The following EFNB1 variants were observed in gnomAD, a reference collection of about 807,000 sequenced individuals.
EFNB1 encodes ephrin B1, also known as ephrin-B1.
In EFNB1, 1 loss-of-function variant was observed where a neutral mutation model predicts 18.1. The ratio of observed to expected loss-of-function variants is 0.06; its 90% CI spans 0.02 to 0.26. EFNB1 has a LOEUF of 0.26. Ranked by LOEUF, EFNB1 falls within the 10% of genes least tolerant of loss-of-function variation. The pLI is 1.00. For missense variants in EFNB1, 221 were observed against 301.8 expected, an observed-to-expected ratio of 0.73 and a Z score of 1.98; for synonymous variants, 131 against 127.5, an observed-to-expected ratio of 1.03 and a Z score of -0.19.
Position 68,841,829 on chromosome X carries a change from A to G in EFNB1, c.*1175A>G, listed in dbSNP as rs2080480335. The G allele has an allele frequency of 8.8e-6, 1 of 113,036 alleles. No homozygotes were observed. Among genetic ancestry groups the G allele is most frequent in the African/African-American group, 3.2e-5 (1 of 30,973 alleles). The allele number at this position is 113,036 out of a possible 1,213,427, so 9.3% of individuals were successfully genotyped here. A position where few individuals can be genotyped will look rare whatever the true frequency, so the allele number is the denominator to read the frequency against. ...ACTTTGACCCCAGTTCCTTGCCAGC[A>G]CGGCTGCTAACAGACTGCCACTTGA... is the stretch of plus-strand genomic sequence containing the variant. On this transcript the variant is annotated 3_prime_UTR_variant, in exon 5 of 5. Transcript: ENST00000204961.
chrX:68,838,054 T>G (rs184534683), intron 1 of EFNB1, among the ~76,000 whole-genome samples: 17 of 110,808 alleles, frequency 1.5e-4, no homozygotes, highest in Middle Eastern at 9.4e-3. Context: ...CCAGACAGAT[T>G]GAGCTCCCCC....
intron 1 of EFNB1, 63 bp downstream of exon 1, chrX:68,829,967 G>T: frequency 8.7e-7 from 1 of 1,148,420 alleles, no homozygotes; most frequent in Non-Finnish European, 1.2e-6. Flanking sequence ...GAGGCCGCAC[G>T]CCCCGGAGTG....
chrX:68,840,006 C>T lies in EFNB1; in HGVS notation c.546C>T (p.Ser182=). The T allele has an allele frequency of 8.3e-7, 1 of 1,211,893 alleles. No individual in the cohort carries two copies. The highest frequency in any genetic ancestry group is 1.1e-6 in the Non-Finnish European group (1 of 895,456). ...AGCAGCTGACTACCAGCAGGCCCAG[C>T]AAGGAGGCAGACAACACTGTCAAGA... The part of the protein sequence containing the change: ...TPEQLTTSRP[S]KEADNTVKMA... The change falls in exon 4 of 5, where the codon AGC becomes AGT. Residue 182 remains serine (S), a synonymous_variant. Transcript: ENST00000204961.
At chrX:68,836,669 C>A (rs1402483734) in intron 1 of EFNB1, among the ~76,000 whole-genome samples, 3 of 112,201 alleles carry the variant, frequency 2.7e-5, no homozygotes, top group African/African-American at 9.7e-5. Flanking sequence ...AATGGGCCCT[C>A]AGGAAATGGA....
At position 68,829,572 on chromosome X, in the gene EFNB1, T is replaced by G. The variant is rs1323632912; in HGVS notation, c.-205T>G. The G allele has an allele frequency of 1.5e-5, 9 of 584,454 alleles. No homozygotes were observed. Among genetic ancestry groups the G allele is most frequent in the Non-Finnish European group, 2.4e-5 (9 of 380,423 alleles). 48.2% of individuals were successfully genotyped at this position (584,454 alleles called of 1,213,427 possible). ...CGGGGGCCGAAGCCCATGCCCGGGT[T>G]GGGGGCGGCTGCCCAGTGAGTCCTC... On this transcript the variant is annotated 5_prime_UTR_variant, in exon 1 of 5. Coordinates refer to ENST00000204961, the MANE Select transcript of EFNB1 (RefSeq NM_004429.5).
chrX:68,830,484 C>T (rs1225989574), intron 1 of EFNB1, among the ~76,000 whole-genome samples: 1 of 113,073 alleles, frequency 8.8e-6, no homozygotes, highest in Non-Finnish European at 1.9e-5. Flanking sequence ...TCTTTTTGCC[C>T]CCCGCCCCTC....
Position 68,839,718 on chromosome X carries a change from G to A in EFNB1, c.461G>A (p.Arg154His), listed in dbSNP as rs146636295. ...GAAAACCGGGAGGGCGGTGTGTGCCGCACACGCACCATGAAGATCATCATG... is the reference window on the plus strand; with the variant it reads ...GAAAACCGGGAGGGCGGTGTGTGCCACACACGCACCATGAAGATCATCATG... ...GLENREGGVCRTRTMKIIMKV... is the reference protein window; with the variant it reads ...GLENREGGVCHTRTMKIIMKV... The change falls in exon 3 of 5, where the codon CGC becomes CAC. Residue 154 changes from arginine (R) to histidine (H), a missense_variant. Coordinates refer to ENST00000204961, the MANE Select transcript of EFNB1 (RefSeq NM_004429.5). 9.2e-5 allele frequency: 111 copies of A among 1,209,653 alleles called. No individual in the cohort carries two copies. Among genetic ancestry groups the A allele is most frequent in the Middle Eastern group, 2.3e-4 (1 of 4,347 alleles).
At chrX:68,834,342 AG>A (rs1249679495) in intron 1 of EFNB1, among the ~76,000 whole-genome samples, 1 of 111,944 alleles carries the variant, frequency 8.9e-6, no homozygotes. Flanking sequence ...GACATCGAGG[AG>A]GGGGGGTATT....
chrX:68,840,888 G>T lies in EFNB1; in HGVS notation c.*234G>T. 2.3e-6 allele frequency: 1 copy of T among 430,231 alleles called. No homozygotes were observed. The highest frequency in any genetic ancestry group is 4.1e-5 in the Admixed American group (1 of 24,680). 35.5% of individuals were successfully genotyped at this position (430,231 alleles called of 1,213,427 possible). A position where few individuals can be genotyped will look rare whatever the true frequency, so the allele number is the denominator to read the frequency against. On this transcript the variant is annotated 3_prime_UTR_variant, in exon 5 of 5. Transcript: ENST00000204961. The stretch of plus-strand genomic sequence containing the variant: ...CCCTCTGGCCAGGCCTCTGGGCTCC[G>T]TGGGGGCGCCCCTTCTTGGAAGGCA...
Position 68,840,747 on chromosome X carries a change from C to T in EFNB1, c.*93C>T, listed in dbSNP as rs948545265. ...CACCCCCTCCCCTTGCCAGCTGTGCCCACCTTTGTATTTAGTTTTGTAGTT... is the reference window on the plus strand; with the variant it reads ...CACCCCCTCCCCTTGCCAGCTGTGCTCACCTTTGTATTTAGTTTTGTAGTT... On this transcript the variant is annotated 3_prime_UTR_variant, in exon 5 of 5. Coordinates refer to ENST00000204961, the MANE Select transcript of EFNB1 (RefSeq NM_004429.5). 29 of 965,845 alleles carry T rather than the reference C, an allele frequency of 3.0e-5. No homozygotes were observed. The highest frequency in any genetic ancestry group is 3.7e-5 in the Non-Finnish European group (26 of 698,060). The allele number at this position is 965,845 out of a possible 1,213,427, so 79.6% of individuals were successfully genotyped here. A position where few individuals can be genotyped will look rare whatever the true frequency, so the allele number is the denominator to read the frequency against.
chrX:68,833,640 G>C lies in EFNB1; in HGVS notation c.128+3736G>C, dbSNP rs189049853. Among the ~76,000 whole-genome samples the C allele has an allele frequency of 8.1e-3, 909 of 111,885 alleles. 8 individuals carry two copies. Among genetic ancestry groups the C allele is most frequent in the Middle Eastern group, 0.014 (3 of 216 alleles). On this transcript the variant is annotated intron_variant, in intron 1 of 4. Transcript: ENST00000204961. ...GACTATTAGAGGAGCTGAGATACGG[G>C]GGTGCTCACCAGCCACATTCTGGGT...
rs2080438806 is a variant in EFNB1, at chrX:68,829,723, A to T, written c.-54A>T. On this transcript the variant is annotated 5_prime_UTR_variant, in exon 1 of 5. Coordinates refer to ENST00000204961, the MANE Select transcript of EFNB1 (RefSeq NM_004429.5). Reference sequence around the variant, plus strand: ...CAGCGCGGCAGAGGAAGGCGAGGCGAGCTTTGGTGAGGAGGCGCCAAGGGA... The same window carrying T: ...CAGCGCGGCAGAGGAAGGCGAGGCGTGCTTTGGTGAGGAGGCGCCAAGGGA... 1 of 1,167,501 alleles carries T rather than the reference A, an allele frequency of 8.6e-7. No homozygotes were observed. Among genetic ancestry groups the T allele is most frequent in the African/African-American group, 1.8e-5 (1 of 56,160 alleles).
chrX:68,838,904 G>A lies in EFNB1; in HGVS notation c.406+10G>A, dbSNP rs772921295. ...GATTACTACATTACCTGTGAGTCCCGCCCATCCCATCCTCTGGCTCTCTCC... is the reference window on the plus strand; with the variant it reads ...GATTACTACATTACCTGTGAGTCCCACCCATCCCATCCTCTGGCTCTCTCC... On this transcript the variant is annotated intron_variant, in intron 2 of 4. Transcript: ENST00000204961. The A allele has an allele frequency of 3.2e-5, 38 of 1,189,596 alleles. No homozygotes were observed. Among genetic ancestry groups the A allele is most frequent in the Admixed American group, 1.4e-4 (6 of 43,155 alleles).
rs1436665759 is a variant in EFNB1 at position 68,839,735 on chromosome X, A to G, written c.478A>G (p.Ile160Val). 8.3e-7 allele frequency: 1 copy of G among 1,210,888 alleles called. No individual in the cohort carries two copies. Among genetic ancestry groups the G allele is most frequent in the Non-Finnish European group, 1.1e-6 (1 of 895,107 alleles). Reference protein sequence around the residue: ...GGVCRTRTMKIIMKVGQDPNA... With the variant: ...GGVCRTRTMKVIMKVGQDPNA... ...TGTGTGCCGCACACGCACCATGAAGATCATCATGAAGGTTGGGCAAGGTGA... is the reference window on the plus strand; with the variant it reads ...TGTGTGCCGCACACGCACCATGAAGGTCATCATGAAGGTTGGGCAAGGTGA... Residue 160 changes from isoleucine (I) to valine (V), a missense_variant, in exon 3 of 5, where the codon ATC (isoleucine) becomes GTC (valine). Ile to Val is a conservative substitution (Grantham distance 29, BLOSUM62 3). Transcript: ENST00000204961.
chrX:68,839,711 G>A lies in EFNB1; in HGVS notation c.454G>A (p.Val152Met). Residue 152 changes from valine (V) to methionine (M), a missense_variant, in exon 3 of 5, where the codon GTG becomes ATG. Transcript: ENST00000204961. The part of the protein sequence containing the change: ...LEGLENREGG[V>M]CRTRTMKIIM... ...GGGGCTGGAAAACCGGGAGGGCGGT[G>A]TGTGCCGCACACGCACCATGAAGAT... 1 of 1,211,651 alleles carries A rather than the reference G, an allele frequency of 8.3e-7. No homozygotes were observed.
intron 1 of EFNB1, among the ~76,000 whole-genome samples, chrX:68,831,299 C>A (rs187229924): frequency 9.1e-6 from 1 of 110,483 alleles, no homozygotes; most frequent in Non-Finnish European, 1.9e-5. Flanking sequence ...CTTTAGTTTT[C>A]TTCTCCTCGA....
chrX:68,830,902 G>C (rs1050213770), intron 1 of EFNB1, among the ~76,000 whole-genome samples: 42 of 111,879 alleles, frequency 3.8e-4, no homozygotes, highest in African/African-American at 1.2e-3. Context: ...CAAACAACAC[G>C]CACACCTTTC....
rs759896368 is a variant in EFNB1, at chrX:68,840,315, C to T, written c.702C>T (p.Phe234=). ...GCAGCGGGGACCCTGATGGCTTCTT[C>T]AACTCCAAGGTGGCATTGTTCGCGG... ...GGSSGDPDGF[F]NSKVALFAAV... Residue 234 remains phenylalanine, a synonymous_variant, in exon 5 of 5, where the codon TTC becomes TTT. Transcript: ENST00000204961. 35 of 1,210,259 alleles carry T rather than the reference C, an allele frequency of 2.9e-5. 1 individual carries two copies. In the East Asian group the frequency reaches 1.0e-3, roughly 35 times the overall value.
Position 68,839,950 on chromosome X carries a change from C to G in EFNB1, c.500-10C>G. 8.3e-7 allele frequency: 1 copy of G among 1,211,881 alleles called. No homozygotes were observed. Among genetic ancestry groups the G allele is most frequent in the Non-Finnish European group, 1.1e-6 (1 of 895,497 alleles). On this transcript the variant is annotated splice_polypyrimidine_tract_variant and intron_variant, in intron 3 of 4. Transcript: ENST00000204961. Reference sequence around the variant, plus strand: ...TCCCTGCCTCTCACCTGTTCTGTCTCCATTCTTAGATCCCAATGCTGTGAC... The same window carrying G: ...TCCCTGCCTCTCACCTGTTCTGTCTGCATTCTTAGATCCCAATGCTGTGAC...
Sources: gnomAD v4.1 joint callset for allele counts (sites outside exome capture counted in the v4.1 genomes callset) on GRCh38, gnomAD v4.1.1 for gene constraint, MANE v1.5 for transcripts, NCBI Gene and HGNC (gene_info 2026-07-23, HGNC 2026-07-21) for gene names.